The following CDC42SE2 variants were observed in gnomAD, a reference collection of about 807,000 sequenced individuals.
CDC42SE2 encodes the protein CDC42 small effector protein 2.
In CDC42SE2, 3 loss-of-function variants were observed where a neutral mutation model predicts 11.5. The ratio of observed to expected loss-of-function variants is 0.26; its 90% confidence interval spans 0.12 to 0.67. The LOEUF (loss-of-function observed/expected upper bound fraction) is 0.67. CDC42SE2 is among the 30% of genes least tolerant of loss of function. The probability of loss-of-function intolerance (pLI) is 0.80; values close to 1 mark genes in which losing one functional copy is unlikely to be tolerated. For missense variants in CDC42SE2, 82 were observed against 106.8 expected (o/e 0.77, Z 1.02); for synonymous variants, 33 against 34.8 (o/e 0.95, Z 0.18).
At chr5:131,301,650 C>T (rs1164294165) in intron 1 of CDC42SE2, among the ~76,000 whole-genome samples, 8 of 151,146 alleles carry the variant, frequency 5.3e-5, no homozygotes, top group South Asian at 2.1e-4. Context: ...TCCAGCTACT[C>T]GGGAGGCTGA....
intron 3 of CDC42SE2, among the ~76,000 whole-genome samples, chr5:131,365,238 C>G (rs1412974788): frequency 6.6e-6 from 1 of 151,674 alleles, no homozygotes; most frequent in Non-Finnish European, 1.5e-5. Flanking sequence ...TGCAGTGAGC[C>G]GAGATCGTGC....
At chr5:131,329,930 C>T (rs916512828) in intron 2 of CDC42SE2, among the ~76,000 whole-genome samples, 4 of 108,468 alleles carry the variant, frequency 3.7e-5, no homozygotes, top group Non-Finnish European at 8.5e-5. Flanking sequence ...AAAGAAGAAG[C>T]GCTCCAGTTA....
At chr5:131,308,660 C>G (rs1391183352) in intron 1 of CDC42SE2, among the ~76,000 whole-genome samples, 1 of 147,470 alleles carries the variant, frequency 6.8e-6, no homozygotes, top group East Asian at 2.0e-4. Context: ...AGGTCCTTCA[C>G]ATCCCTTGTA....
chr5:131,340,879 G>A (rs1043808359), intron 2 of CDC42SE2, among the ~76,000 whole-genome samples: 2 of 152,008 alleles, frequency 1.3e-5, no homozygotes, highest in Non-Finnish European at 2.9e-5. Context: ...GTTTGACCAT[G>A]TTGGCCAGGC....
the CDC42SE2 span, among the ~76,000 whole-genome samples, chr5:131,219,543 A>G: frequency 1.3e-5 from 2 of 152,188 alleles, no homozygotes; most frequent in Non-Finnish European, 1.5e-5. Context: ...TAAGATTGAA[A>G]AACACAATTC....
intron 2 of CDC42SE2, among the ~76,000 whole-genome samples, chr5:131,343,585 G>A (rs200453573): frequency 6.6e-6 from 1 of 152,028 alleles, no homozygotes; most frequent in Non-Finnish European, 1.5e-5. Context: ...GGTGGTGCAT[G>A]CCTATAATCC....
At chr5:131,311,616 A>G (rs1757916155) in intron 1 of CDC42SE2, among the ~76,000 whole-genome samples, 1 of 152,174 alleles carries the variant, frequency 6.6e-6, no homozygotes, top group Non-Finnish European at 1.5e-5. Flanking sequence ...ACATAGTCCC[A>G]TATTTCTTGA....
At chr5:131,375,375 A>G (rs1740426641) in intron 3 of CDC42SE2, among the ~76,000 whole-genome samples, 2 of 152,380 alleles carry the variant, frequency 1.3e-5, no homozygotes, top group Admixed American at 1.3e-4. Flanking sequence ...TTAAGATTGA[A>G]TTGTAAATGC....
At chr5:131,324,129 A>AT (rs1381743438) in intron 2 of CDC42SE2, among the ~76,000 whole-genome samples, 3 of 152,058 alleles carry the variant, frequency 2.0e-5, no homozygotes, top group Non-Finnish European at 2.9e-5. Context: ...CAGAGTACCT[A>AT]TTTTTTCTTC....
At chr5:131,281,314 G>A (rs982007727) in intron 1 of CDC42SE2, among the ~76,000 whole-genome samples, 6 of 152,284 alleles carry the variant, frequency 3.9e-5, no homozygotes, top group Admixed American at 3.9e-4. Flanking sequence ...CATTTCTCAT[G>A]TGGTAAAGAA....
chr5:131,322,275 T>C (rs1309310443), intron 2 of CDC42SE2, among the ~76,000 whole-genome samples: 2 of 152,198 alleles, frequency 1.3e-5, no homozygotes, highest in South Asian at 2.1e-4. Context: ...TCTAGAACTT[T>C]TTCACTTTGC....
At position 131,300,050 on chromosome 5, in the gene CDC42SE2, C is replaced by G. The variant is rs1177180601; in HGVS notation, c.-454-15926C>G. ...TCTCTACTTTGGCTTAAGGTGTTGT[C>G]TCTCTTGGAGTTTCCTGTTAAAGTG... On this transcript the variant is annotated intron_variant, in intron 1 of 4. Transcript: ENST00000505065. 3.3e-5 allele frequency among the ~76,000 whole-genome samples: 5 copies of G among 152,176 alleles called. No individual in the cohort carries two copies. The East Asian group carries it at 9.6e-4, about 29-fold the overall frequency.
chr5:131,373,295 T>TA (rs1180188553), intron 3 of CDC42SE2, among the ~76,000 whole-genome samples: 1 of 151,820 alleles, frequency 6.6e-6, no homozygotes, highest in African/African-American at 2.4e-5. Context: ...TCAGATATAA[T>TA]AAAAAAATAG....
At chr5:131,285,642 A>G (rs1191972904) in intron 1 of CDC42SE2, among the ~76,000 whole-genome samples, 1 of 152,176 alleles carries the variant, frequency 6.6e-6, no homozygotes, top group African/African-American at 2.4e-5. Flanking sequence ...CTATTCTAGG[A>G]TTTTTAGGCA....
In CDC42SE2 at chr5:131,247,686, G is replaced by C. The variant is rs550871118; in HGVS notation, n.107+2087G>C. On this transcript the variant is annotated intron_variant and non_coding_transcript_variant, in intron 1 of 3. Transcript: ENST00000502840. The stretch of plus-strand genomic sequence containing the variant: ...ATAGATAGAGTTTCACTCTCACTCA[G>C]GCTGGAGTGCAGTGGCGGGATCATA... Among the ~76,000 whole-genome samples, 5 of 152,266 alleles carry C rather than the reference G, an allele frequency of 3.3e-5. No individual in the cohort carries two copies. The South Asian group carries it at 1.0e-3, about 32-fold the overall frequency.
chr5:131,212,973 C>G, the CDC42SE2 span, among the ~76,000 whole-genome samples: 2 of 152,242 alleles, frequency 1.3e-5, no homozygotes, highest in East Asian at 1.9e-4. Flanking sequence ...GGTGGATCAC[C>G]TGAGGTCAGG....
At chr5:131,266,624 T>C (rs1256860302) in intron 1 of CDC42SE2, among the ~76,000 whole-genome samples, 1 of 151,992 alleles carries the variant, frequency 6.6e-6, no homozygotes, top group Non-Finnish European at 1.5e-5. Flanking sequence ...TATGCCCTAT[T>C]TTTTGTATTT....
chr5:131,350,881 C>T (rs372909796), intron 2 of CDC42SE2, among the ~76,000 whole-genome samples: 2 of 152,034 alleles, frequency 1.3e-5, no homozygotes, highest in African/African-American at 2.4e-5. Flanking sequence ...ATTGGATTGA[C>T]AAATAGACAA....
chr5:131,321,497 A>G (rs981402318), intron 2 of CDC42SE2, among the ~76,000 whole-genome samples: 9 of 152,196 alleles, frequency 5.9e-5, no homozygotes, highest in African/African-American at 1.9e-4. Context: ...TCTCTTTAAA[A>G]TGGTACTGAT....
Sources: gnomAD v4.1 joint callset for allele counts (sites outside exome capture counted in the v4.1 genomes callset) on GRCh38, gnomAD v4.1.1 for gene constraint, MANE v1.5 for transcripts, NCBI Gene and HGNC (gene_info 2026-07-23, HGNC 2026-07-21) for gene names.